EHMT1: variants seen among roughly 807,000 people sequenced by gnomAD.
EHMT1 encodes the protein histone-lysine N-methyltransferase EHMT1.
A neutral mutation model predicts 147.2 loss-of-function variants in EHMT1; 15 were observed. The ratio of observed to expected loss-of-function variants is 0.10; its 90% CI spans 0.07 to 0.16. The LOEUF (loss-of-function observed/expected upper bound fraction) is 0.16, where lower values mean the gene tolerates loss of function less well. Among genes scored for constraint, EHMT1 ranks in the 10% least tolerant of loss-of-function variants. EHMT1 has a pLI of 1.00. For missense variants in EHMT1, 1,587 were observed against 1,772.4 expected (o/e 0.90, Z 1.88); for synonymous variants, 795 against 709.6 (o/e 1.12, Z -1.91).
chr9:137,644,166 A>G (rs1000201078), intron 1 of EHMT1, among the ~76,000 whole-genome samples: 1 of 152,204 alleles, frequency 6.6e-6, no homozygotes, highest in East Asian at 1.9e-4. Flanking sequence ...TGGCCCACCA[A>G]GAGGCCCATA....
intron 9 of EHMT1, 106 bp downstream of exon 9, chr9:137,758,117 A>T (rs1949519255): frequency 6.7e-7 from 1 of 1,495,678 alleles, no homozygotes; most frequent in African/African-American, 1.4e-5. Flanking sequence ...CTAGTAGAAG[A>T]TCGGGTTAAC....
chr9:137,713,875 G>A (rs992740665), intron 2 of EHMT1, among the ~76,000 whole-genome samples: 15 of 152,050 alleles, frequency 9.9e-5, no homozygotes, highest in African/African-American at 3.1e-4. Flanking sequence ...ACTTGAACCC[G>A]GGAGGCAGAG....
intron 3 of EHMT1, among the ~76,000 whole-genome samples, chr9:137,724,727 A>G (rs1946417660): frequency 1.3e-5 from 2 of 152,134 alleles, no homozygotes; most frequent in Non-Finnish European, 2.9e-5. Flanking sequence ...ATAAAGGGGG[A>G]CCGACTCCTG....
intron 1 of EHMT1, among the ~76,000 whole-genome samples, chr9:137,664,737 G>A (rs1783155386): frequency 6.6e-6 from 1 of 152,186 alleles, no homozygotes; most frequent in African/African-American, 2.4e-5. Flanking sequence ...AGCCGAGGTG[G>A]AGGGCAGGAT....
intron 1 of EHMT1, among the ~76,000 whole-genome samples, chr9:137,624,000 CTTT>C (rs34882647): frequency 6.1e-5 from 8 of 131,508 alleles, no homozygotes; most frequent in Non-Finnish European, 8.0e-5. Context: ...TTCTTTCTTT[CTTT>C]TTTTTTTTTT....
chr9:137,720,555 G>A (rs774883390), intron 3 of EHMT1, among the ~76,000 whole-genome samples: 2 of 152,094 alleles, frequency 1.3e-5, no homozygotes, highest in East Asian at 1.9e-4. Context: ...TGCCCTCCTC[G>A]GCATCCCAAA....
At chr9:137,785,702 C>T (rs1264649260) in intron 15 of EHMT1, 1 of 152,222 alleles carries the variant, frequency 6.6e-6, no homozygotes, top group East Asian at 1.9e-4. Context: ...CATATGGTTG[C>T]ATCATGCATA....
At chr9:137,695,077 G>C (rs999515206) in intron 1 of EHMT1, among the ~76,000 whole-genome samples, 2 of 152,238 alleles carry the variant, frequency 1.3e-5, no homozygotes, top group East Asian at 3.8e-4. Context: ...GACAGGTTTT[G>C]GCTGATGGGA....
At position 137,732,018 on chromosome 9, in the gene EHMT1, G is replaced by A. The variant is rs1056501791; in HGVS notation, c.823+3489G>A. Reference sequence around the variant, plus strand: ...TGCAGAGCCCCAAGGGGATAGGGTGGGAGAGTGTGCTATAGCTCTCTTGCT... The same window carrying A: ...TGCAGAGCCCCAAGGGGATAGGGTGAGAGAGTGTGCTATAGCTCTCTTGCT... On this transcript the variant is annotated intron_variant, in intron 4 of 26. Coordinates refer to ENST00000460843, the MANE Select transcript of EHMT1 (RefSeq NM_024757.5). The surrounding 1 kb of genome is among the most constrained non-coding windows in gnomAD (Gnocchi z 4.6). Among the ~76,000 whole-genome samples the A allele has an allele frequency of 1.3e-5, 2 of 152,212 alleles. No individual in the cohort carries two copies. The highest frequency in any genetic ancestry group is 6.5e-5 in the Admixed American group (1 of 15,288).
intron 13 of EHMT1, 83 bp from the exon 14 acceptor site, chr9:137,779,552 G>T: frequency 6.9e-7 from 1 of 1,451,704 alleles, no homozygotes; most frequent in Admixed American, 1.7e-5. Context: ...CTGGTGGGGA[G>T]ATGTCCGCCG....
intron 1 of EHMT1, among the ~76,000 whole-genome samples, chr9:137,620,929 G>C (rs1417000175): frequency 6.6e-6 from 1 of 152,194 alleles, no homozygotes; most frequent in Non-Finnish European, 1.5e-5. Flanking sequence ...CATAGTGCCA[G>C]TGCCTTGCAT....
At chr9:137,758,103 G>A (rs956138954) in intron 9 of EHMT1, 92 bp downstream of exon 9, 18 of 1,546,850 alleles carry the variant, frequency 1.2e-5, no homozygotes, top group African/African-American at 8.2e-5. Flanking sequence ...CCCCTTGGTG[G>A]ACACTAGTAG....
chr9:137,703,674 T>C (rs945021009), intron 1 of EHMT1, among the ~76,000 whole-genome samples: 4 of 152,182 alleles, frequency 2.6e-5, no homozygotes, highest in African/African-American at 9.7e-5. Context: ...TTGGACTTCA[T>C]TGTCCATATC....
At chr9:137,629,539 GC>G (rs1843484144) in intron 1 of EHMT1, among the ~76,000 whole-genome samples, 1 of 151,906 alleles carries the variant, frequency 6.6e-6, no homozygotes, top group Non-Finnish European at 1.5e-5. Flanking sequence ...GACTACAGGC[GC>G]CCACCACCAT....
At chr9:137,723,811 A>T (rs139844388) in intron 3 of EHMT1, among the ~76,000 whole-genome samples, 217 of 152,350 alleles carry the variant, frequency 1.4e-3, no homozygotes, top group Admixed American at 2.0e-3. Context: ...TATTCTCATA[A>T]AAGTTTAAAC....
At chr9:137,796,880 C>CA (rs34222174) in intron 16 of EHMT1, among the ~76,000 whole-genome samples, 50,016 of 151,536 alleles carry the variant, frequency 0.33, 8,541 homozygotes, top group Admixed American at 0.43. Flanking sequence ...AAAAGACTGA[C>CA]GGGGCGGGAC....
rs373176678 is a variant in EHMT1 at position 137,807,611 on chromosome 9, C to G, written c.2713-3850C>G. Reference sequence around the variant, plus strand: ...TAACCTCCGCCTCCCAGGTTCAAGCCATTCTCCTGCCTCAGCCTCCCGAGT... The same window carrying G: ...TAACCTCCGCCTCCCAGGTTCAAGCGATTCTCCTGCCTCAGCCTCCCGAGT... On this transcript the variant is annotated intron_variant, in intron 18 of 26. Transcript: ENST00000460843. Among the ~76,000 whole-genome samples, 18 of 152,070 alleles carry G rather than the reference C, an allele frequency of 1.2e-4. No individual in the cohort carries two copies. The East Asian group carries it at 3.5e-3, about 29-fold the overall frequency.
chr9:137,766,905 C>T (rs762036452), intron 10 of EHMT1, among the ~76,000 whole-genome samples: 1 of 152,138 alleles, frequency 6.6e-6, no homozygotes, highest in African/African-American at 2.4e-5. Context: ...GCAGCCTCCA[C>T]CTTTGGGGCT....
chr9:137,817,802 G>A (rs1165081755), intron 24 of EHMT1: 3 of 621,784 alleles, frequency 4.8e-6, no homozygotes, highest in South Asian at 1.9e-5. Flanking sequence ...AGCATGGGCA[G>A]TCATCTCTAG....
Sources: allele counts gnomAD v4.1 joint callset (sites outside exome capture counted in the v4.1 genomes callset), GRCh38; gene constraint gnomAD v4.1.1; non-coding constraint Gnocchi (gnomAD v3.1); transcripts MANE v1.5; gene names NCBI Gene and HGNC (gene_info 2026-07-23, HGNC 2026-07-21).